The following NALCN variants were observed in gnomAD, a reference collection of about 807,000 sequenced individuals.
NALCN encodes the protein sodium leak channel NALCN.
A neutral mutation model predicts 225.3 loss-of-function variants in NALCN; 111 were observed. The ratio of observed to expected loss-of-function variants is 0.49; its 90% CI spans 0.42 to 0.58. NALCN has a LOEUF of 0.58. Among genes scored for constraint, NALCN ranks in the 20% least tolerant of loss-of-function variants. The pLI is 0.00. For missense variants in NALCN, 1,378 were observed against 2,202.4 expected, an observed-to-expected ratio of 0.63 and a Z score of 7.49; for synonymous variants, 764 against 769.0, an observed-to-expected ratio of 0.99 and a Z score of 0.11.
intron 17 of NALCN, among the ~76,000 whole-genome samples, chr13:101,131,882 A>C (rs1176969711): frequency 6.6e-6 from 1 of 152,174 alleles, no homozygotes; most frequent in African/African-American, 2.4e-5. Context: ...TTATAGAAGA[A>C]GGCTCCTTAA....
At chr13:101,115,366 G>T (rs577455809) in intron 18 of NALCN, among the ~76,000 whole-genome samples, 2 of 152,154 alleles carry the variant, frequency 1.3e-5, no homozygotes, top group African/African-American at 2.4e-5. Flanking sequence ...GAGCAGAGCA[G>T]GCTGTAGCAG....
At chr13:101,184,328 T>C (rs1231171558) in intron 14 of NALCN, among the ~76,000 whole-genome samples, 1 of 152,208 alleles carries the variant, frequency 6.6e-6, no homozygotes, top group Non-Finnish European at 1.5e-5. Context: ...TTCAAAAGCG[T>C]AATTTTCCAG....
At chr13:101,061,634 T>C (rs2031947415) in intron 41 of NALCN, among the ~76,000 whole-genome samples, 1 of 152,162 alleles carries the variant, frequency 6.6e-6, no homozygotes. Context: ...AGCTCCCCCC[T>C]TGACCTCTCA....
intron 1 of NALCN, among the ~76,000 whole-genome samples, chr13:101,408,551 C>T (rs772077564): frequency 2.4e-4 from 37 of 152,206 alleles, no homozygotes; most frequent in Non-Finnish European, 4.4e-4. Flanking sequence ...AACAGAACAG[C>T]GGCCCACTCC....
intron 13 of NALCN, among the ~76,000 whole-genome samples, chr13:101,221,438 C>T (rs200121548): frequency 6.6e-6 from 1 of 152,040 alleles, no homozygotes; most frequent in Non-Finnish European, 1.5e-5. Context: ...TTTACTATCC[C>T]TCTACATCCC....
chr13:101,087,353 T>C (rs2033982702), intron 30 of NALCN, among the ~76,000 whole-genome samples: 1 of 152,104 alleles, frequency 6.6e-6, no homozygotes, highest in Non-Finnish European at 1.5e-5. Flanking sequence ...GTTTAGTGTT[T>C]AGGTTAGTTC....
intron 9 of NALCN, among the ~76,000 whole-genome samples, chr13:101,288,146 A>T (rs2043409430): frequency 6.6e-6 from 1 of 152,178 alleles, no homozygotes; most frequent in Non-Finnish European, 1.5e-5. Context: ...CAACCTCACA[A>T]AATTTAATTC....
intron 27 of NALCN, among the ~76,000 whole-genome samples, chr13:101,100,439 G>A (rs1206526208): frequency 6.6e-6 from 1 of 152,152 alleles, no homozygotes; most frequent in Non-Finnish European, 1.5e-5. Context: ...AACCTTTCTA[G>A]CCAGAAGAGA....
intron 7 of NALCN, among the ~76,000 whole-genome samples, chr13:101,297,500 C>T (rs1462519963): frequency 2.6e-5 from 4 of 152,298 alleles, no homozygotes; most frequent in Non-Finnish European, 4.4e-5. Flanking sequence ...GAACTTTAAC[C>T]CCTCCAGGGA....
chr13:101,118,335 G>C (rs540731905), intron 18 of NALCN, among the ~76,000 whole-genome samples: 11 of 151,966 alleles, frequency 7.2e-5, no homozygotes, highest in Admixed American at 2.0e-4. Flanking sequence ...TCACTTTTGG[G>C]CTTAACTAAA....
At chr13:101,415,824 G>A (rs1011319058) in intron 1 of NALCN, among the ~76,000 whole-genome samples, 1 of 138,292 alleles carries the variant, frequency 7.2e-6, no homozygotes, top group African/African-American at 2.6e-5. Context: ...CTCCCCACCC[G>A]CGCGTTGGCC....
At chr13:101,154,535 T>C (rs921355154) in intron 15 of NALCN, among the ~76,000 whole-genome samples, 11 of 152,220 alleles carry the variant, frequency 7.2e-5, no homozygotes, top group African/African-American at 2.4e-4. Flanking sequence ...CTGTTGCACC[T>C]TGCTCAGGGG....
chr13:101,077,184 CTG>C (rs2033313554), intron 34 of NALCN, among the ~76,000 whole-genome samples: 1 of 152,196 alleles, frequency 6.6e-6, no homozygotes. Flanking sequence ...CCATGCAGAA[CTG>C]TGAGTCAATT....
chr13:101,345,471 G>T (rs780420799), intron 6 of NALCN, 51 bp from the exon 7 acceptor site: 3 of 1,580,628 alleles, frequency 1.9e-6, no homozygotes, highest in South Asian at 2.3e-5. Flanking sequence ...CATAAATGTT[G>T]ATTACAATGA....
rs75104051 is a variant in NALCN at position 101,158,934 on chromosome 13, C to T, written c.1840-14038G>A. On this transcript the variant is annotated intron_variant, in intron 15 of 43. Transcript: ENST00000251127. ...GGGAAGATAATCAGGAATAAGAGGACCACCAGTCATCTTTGGAAGGTGGAA... is the reference window on the plus strand; with the variant it reads ...GGGAAGATAATCAGGAATAAGAGGATCACCAGTCATCTTTGGAAGGTGGAA... 9.8e-3 allele frequency among the ~76,000 whole-genome samples: 1,497 copies of T among 152,260 alleles called. 18 individuals carry two copies. Among genetic ancestry groups the T allele is most frequent in the African/African-American group, 0.034 (1,419 of 41,540 alleles).
intron 7 of NALCN, among the ~76,000 whole-genome samples, chr13:101,310,207 G>A (rs1034585574): frequency 2.0e-5 from 3 of 152,020 alleles, no homozygotes; most frequent in Admixed American, 6.5e-5. Flanking sequence ...GTTTTGTCTC[G>A]CCTCTACTCA....
chr13:101,406,843 T>TAAC (rs1167596424), intron 1 of NALCN, among the ~76,000 whole-genome samples: 1 of 152,220 alleles, frequency 6.6e-6, no homozygotes, highest in Non-Finnish European at 1.5e-5. Context: ...ACATATTTAC[T>TAAC]AACTCCCATT....
chr13:101,346,087 C>CTCTCTCTCTCTCTCTCTATATA lies in NALCN; in HGVS notation c.645-668_645-667insTATATAGAGAGAGAGAGAGAGA. Among the ~76,000 whole-genome samples, 184 of 70,918 alleles carry CTCTCTCTCTCTCTCTCTATATA rather than the reference C, an allele frequency of 2.6e-3. 1 individual carries two copies. The highest frequency in any genetic ancestry group is 4.2e-3 in the East Asian group (10 of 2,386). The allele number at this position is 70,918 out of a possible 152,430, so 46.5% of individuals were successfully genotyped here. A position where few individuals can be genotyped will look rare whatever the true frequency, so the allele number is the denominator to read the frequency against. On this transcript the variant is annotated intron_variant, in intron 6 of 43. Transcript: ENST00000251127. ...TCTCTCTCTCTCTCTCTCTCTCTCT[C>CTCTCTCTCTCTCTCTCTATATA]TATATATATATATATATATATATAT...
rs144471086 is a variant in NALCN at position 101,337,599 on chromosome 13, C to T, written c.799+7667G>A. ...CTTGGATTACAGGCTTGAGCCACCA[C>T]GCCCAGCCCACATTTATTCTTTTTT... On this transcript the variant is annotated intron_variant, in intron 7 of 43. Transcript: ENST00000251127. 2.0e-4 allele frequency among the ~76,000 whole-genome samples: 30 copies of T among 152,280 alleles called. No homozygotes were observed. The East Asian group carries it at 4.6e-3, about 24-fold the overall frequency.
Sources: gnomAD v4.1 joint callset for allele counts (sites outside exome capture counted in the v4.1 genomes callset) on GRCh38, gnomAD v4.1.1 for gene constraint, MANE v1.5 for transcripts, NCBI Gene and HGNC (gene_info 2026-07-23, HGNC 2026-07-21) for gene names.